Variants in PAK5 observed in about 807,000 individuals in gnomAD.
PAK5 encodes serine/threonine-protein kinase PAK 5.
A neutral mutation model predicts 65.9 loss-of-function variants in PAK5; 16 were observed. The ratio of observed to expected loss-of-function variants is 0.24; its 90% confidence interval spans 0.16 to 0.37. The LOEUF (loss-of-function observed/expected upper bound fraction) is 0.37, where lower values mean the gene tolerates loss of function less well. Among genes scored for constraint, PAK5 ranks in the 10% least tolerant of loss-of-function variants. PAK5 has a pLI of 1.00. For missense variants in PAK5, 785 were observed against 903.9 expected (o/e 0.87, Z 1.69); for synonymous variants, 371 against 354.9 (o/e 1.05, Z -0.51).
At chr20:9,692,555 G>A (rs1358952213) in intron 2 of PAK5, among the ~76,000 whole-genome samples, 1 of 152,092 alleles carries the variant, frequency 6.6e-6, no homozygotes, top group Admixed American at 6.6e-5. Context: ...CTAACTCTCA[G>A]TGATTTTTTT....
intron 6 of PAK5, among the ~76,000 whole-genome samples, chr20:9,559,143 A>T (rs2045556497): frequency 1.3e-5 from 2 of 152,128 alleles, no homozygotes; most frequent in Admixed American, 1.3e-4. Context: ...AAAATGACTC[A>T]TTTAGGCAGC....
chr20:9,820,268 AAGT>A (rs2049404000), intron 1 of PAK5, among the ~76,000 whole-genome samples: 1 of 152,236 alleles, frequency 6.6e-6, no homozygotes, highest in Non-Finnish European at 1.5e-5. Flanking sequence ...AGTTAGAAAT[AAGT>A]AGAAGGAAAG....
At chr20:9,745,436 C>CA (rs951661466) in intron 1 of PAK5, among the ~76,000 whole-genome samples, 68 of 151,610 alleles carry the variant, frequency 4.5e-4, no homozygotes, top group African/African-American at 1.5e-3. Flanking sequence ...AAAAGGGCCA[C>CA]AAAAAGGAAA....
intron 1 of PAK5, among the ~76,000 whole-genome samples, chr20:9,802,753 C>A (rs192759450): frequency 3.4e-4 from 52 of 151,204 alleles, no homozygotes; most frequent in Admixed American, 2.0e-3. Context: ...TCTGCATCCC[C>A]CATTTTTAGG....
intron 1 of PAK5, among the ~76,000 whole-genome samples, chr20:9,819,734 C>A (rs905721307): frequency 2.0e-5 from 3 of 152,014 alleles, no homozygotes; most frequent in Non-Finnish European, 4.4e-5. Flanking sequence ...GGTGGGAATA[C>A]AAAAGCCACA....
At chr20:9,697,794 C>A (rs1440552892) in intron 2 of PAK5, among the ~76,000 whole-genome samples, 1 of 151,992 alleles carries the variant, frequency 6.6e-6, no homozygotes, top group Non-Finnish European at 1.5e-5. Context: ...ACTTCTTGTC[C>A]AAGAACAGTC....
chr20:9,771,414 T>G (rs891301420), intron 1 of PAK5, among the ~76,000 whole-genome samples: 2 of 151,630 alleles, frequency 1.3e-5, no homozygotes, highest in African/African-American at 4.8e-5. Context: ...TAAAAAAATT[T>G]TTTTTTTTTT....
chr20:9,640,206 CT>C (rs1273279868), intron 3 of PAK5, among the ~76,000 whole-genome samples: 6 of 120,334 alleles, frequency 5.0e-5, no homozygotes, highest in Admixed American at 8.6e-5. Flanking sequence ...TCCCTCCCCC[CT>C]CCCCCCACCC....
intron 1 of PAK5, among the ~76,000 whole-genome samples, chr20:9,768,335 G>C (rs1285936219): frequency 6.6e-6 from 1 of 152,008 alleles, no homozygotes; most frequent in Non-Finnish European, 1.5e-5. Flanking sequence ...GATAGACACT[G>C]TAGACTATAG....
chr20:9,660,938 A>C (rs2047337751), intron 2 of PAK5, among the ~76,000 whole-genome samples: 1 of 152,032 alleles, frequency 6.6e-6, no homozygotes, highest in Non-Finnish European at 1.5e-5. Context: ...ATCACTGGGG[A>C]GCTTGTTTAA....
chr20:9,806,002 T>C (rs2049227022), intron 1 of PAK5, among the ~76,000 whole-genome samples: 1 of 152,136 alleles, frequency 6.6e-6, no homozygotes, highest in Non-Finnish European at 1.5e-5. Context: ...TTTCACTCTG[T>C]TGCCTAGGCT....
intron 1 of PAK5, among the ~76,000 whole-genome samples, chr20:9,729,160 A>AG (rs1192560029): frequency 1.3e-5 from 2 of 151,964 alleles, no homozygotes; most frequent in Non-Finnish European, 2.9e-5. Context: ...GTGTGAACCC[A>AG]GGGGGTGGAG....
At chr20:9,655,853 C>T (rs543060356) in intron 2 of PAK5, among the ~76,000 whole-genome samples, 2 of 152,302 alleles carry the variant, frequency 1.3e-5, no homozygotes, top group Admixed American at 1.3e-4. Flanking sequence ...CGAGACTTCT[C>T]TCCCTGGCTT....
intron 1 of PAK5, among the ~76,000 whole-genome samples, chr20:9,726,362 C>A (rs2048277566): frequency 6.6e-6 from 1 of 152,082 alleles, no homozygotes; most frequent in Non-Finnish European, 1.5e-5. Context: ...ATATAAAGGA[C>A]AATCACAGTT....
chr20:9,684,395 C>T (rs954005596), intron 2 of PAK5, among the ~76,000 whole-genome samples: 19 of 152,124 alleles, frequency 1.2e-4, no homozygotes, highest in South Asian at 6.2e-4. Flanking sequence ...TAGTGATGTG[C>T]CTGCTCAGAT....
At chr20:9,640,657 G>A (rs748953550) in intron 3 of PAK5, among the ~76,000 whole-genome samples, 1 of 152,148 alleles carries the variant, frequency 6.6e-6, no homozygotes, top group African/African-American at 2.4e-5. Context: ...AAAGTGGCAC[G>A]TCTGGAGTCT....
At chr20:9,678,527 A>C (rs1244113102) in intron 2 of PAK5, among the ~76,000 whole-genome samples, 1 of 152,172 alleles carries the variant, frequency 6.6e-6, no homozygotes, top group African/African-American at 2.4e-5. Context: ...AGATTGCACC[A>C]CTGCACTCCA....
chr20:9,764,204 T>C (rs1377856102), intron 1 of PAK5, among the ~76,000 whole-genome samples: 4 of 152,184 alleles, frequency 2.6e-5, no homozygotes, highest in Non-Finnish European at 5.9e-5. Context: ...TTCCATGACA[T>C]TGACATTTTA....
At chr20:9,680,761 G>A (rs1362775209) in intron 2 of PAK5, among the ~76,000 whole-genome samples, 6 of 152,142 alleles carry the variant, frequency 3.9e-5, no homozygotes, top group South Asian at 2.1e-4. Flanking sequence ...GCTCCAGACC[G>A]GAGCAGGGGT....
Sources: allele counts gnomAD v4.1 joint callset (sites outside exome capture counted in the v4.1 genomes callset), GRCh38; gene constraint gnomAD v4.1.1; transcripts MANE v1.5; gene names NCBI Gene and HGNC (gene_info 2026-07-23, HGNC 2026-07-21).